Variants in NOX5 observed in about 807,000 individuals in gnomAD.
NOX5 encodes the protein NADPH oxidase 5.
Under a neutral mutation model 85.7 loss-of-function variants are expected in NOX5, and 76 were observed. The observed-to-expected ratio is 0.89, with a 90% CI of 0.74 to 1.07. NOX5 has a LOEUF of 1.07. Among genes scored for constraint, NOX5 ranks in the 50% least tolerant of loss-of-function variants. The probability of loss-of-function intolerance (pLI) is 0.00; values close to 1 mark genes in which losing one functional copy is unlikely to be tolerated. For synonymous variants in NOX5, 405 were observed against 401.4 expected (o/e 1.01, Z -0.11); for missense variants, 973 against 999.5 (o/e 0.97, Z 0.36).
chr15:69,026,593 CAGG>C lies in NOX5; in HGVS notation c.119_121del (p.Gly40del). The C allele has an allele frequency of 6.2e-7, 1 of 1,614,214 alleles. No homozygotes were observed. The highest frequency in any genetic ancestry group is 8.5e-7 in the Non-Finnish European group (1 of 1,180,036). On this transcript the variant is annotated inframe_deletion, in exon 2 of 16. Coordinates refer to ENST00000388866, the MANE Select transcript of NOX5 (RefSeq NM_024505.4). Reference sequence around the variant, plus strand: ...GTGACTCAGCAGTTTAAGACCATTGCAGGAGAAGATGGGGAGATCAGCCTGCAA... The same window carrying C: ...GTGACTCAGCAGTTTAAGACCATTGCAGAAGATGGGGAGATCAGCCTGCAA...
chr15:69,049,524 C>T (rs2050721475), intron 14 of NOX5, among the ~76,000 whole-genome samples: 1 of 152,150 alleles, frequency 6.6e-6, no homozygotes, highest in Admixed American at 6.5e-5. Flanking sequence ...AAAAAGCCCT[C>T]ATAATCTCAT....
At chr15:69,016,210 C>T (rs982384162) in intron 1 of NOX5, among the ~76,000 whole-genome samples, 3 of 152,116 alleles carry the variant, frequency 2.0e-5, no homozygotes, top group African/African-American at 7.2e-5. Flanking sequence ...GCCTTGGGAG[C>T]GTGCAGGAGC....
Position 69,056,547 on chromosome 15 carries a change from C to G in NOX5, c.2167-18C>G, listed in dbSNP as rs367847246. 6.2e-7 allele frequency: 1 copy of G among 1,611,136 alleles called. No homozygotes were observed. The highest frequency in any genetic ancestry group is 8.5e-7 in the Non-Finnish European group (1 of 1,179,594). On this transcript the variant is annotated intron_variant, in intron 15 of 15. Transcript: ENST00000388866. ...CACCTATCTTCCCTCTTCTCTTCCT[C>G]AACCCCACTGACTCCAGGTGTTCCA...
In NOX5 at chr15:69,033,145, C is replaced by G. The variant is rs1388317521; in HGVS notation, c.723C>G (p.Cys241Trp). ...ACAACCACCGCAGCCAGCTGTTCTGCCTGGCCACCTATGCAGGCCTCCACG... is the reference window on the plus strand; with the variant it reads ...ACAACCACCGCAGCCAGCTGTTCTGGCTGGCCACCTATGCAGGCCTCCACG... ...YWHNHRSQLF[C>W]LATYAGLHVL... The change falls in exon 5 of 16, where the codon TGC becomes TGG. Residue 241 changes from cysteine to tryptophan, a missense_variant. Coordinates refer to ENST00000388866, the MANE Select transcript of NOX5 (RefSeq NM_024505.4). The G allele has an allele frequency of 6.4e-6, 10 of 1,573,508 alleles. No homozygotes were observed. The African/African-American group carries it at 1.1e-4, about 17-fold the overall frequency.
intron 3 of NOX5, 195 bp from the exon 4 acceptor site, chr15:69,031,323 C>G (rs371986188): frequency 1.5e-5 from 9 of 603,002 alleles, no homozygotes; most frequent in East Asian, 1.4e-4. Context: ...TGGAGACAGG[C>G]AACCACTGAA....
At chr15:69,030,494 T>C (rs1384293482) in intron 3 of NOX5, 1 of 152,124 alleles carries the variant, frequency 6.6e-6, no homozygotes, top group Non-Finnish European at 1.5e-5. Context: ...TGAGAATTAT[T>C]GTGAGGGAGG....
intron 9 of NOX5, among the ~76,000 whole-genome samples, 171 bp from the exon 10 acceptor site, chr15:69,042,492 C>T (rs916867610): frequency 5.9e-5 from 9 of 152,196 alleles, no homozygotes; most frequent in Non-Finnish European, 1.5e-5. Context: ...CCACAGAGAT[C>T]AGCTCTCCAA....
chr15:69,048,179 G>A (rs1189113030), intron 13 of NOX5, among the ~76,000 whole-genome samples: 1 of 152,260 alleles, frequency 6.6e-6, no homozygotes, highest in South Asian at 2.1e-4. Context: ...CAGCTAGGCA[G>A]TCTGGATTCA....
Position 69,056,754 on chromosome 15 carries a change from G to C in NOX5, c.*58G>C. ...ACCATGGGTCTGCTTCATTGCATTA[G>C]TATAAATGCCCCCACAGGGACCAGC... On this transcript the variant is annotated 3_prime_UTR_variant, in exon 16 of 16. Transcript: ENST00000388866. The C allele has an allele frequency of 6.3e-7, 1 of 1,588,480 alleles. No individual in the cohort carries two copies. Among genetic ancestry groups the C allele is most frequent in the Non-Finnish European group, 8.6e-7 (1 of 1,167,584 alleles).
chr15:69,029,418 T>C lies in NOX5; in HGVS notation c.325+1053T>C, dbSNP rs138215036. On this transcript the variant is annotated intron_variant, in intron 3 of 15. Coordinates refer to ENST00000388866, the MANE Select transcript of NOX5 (RefSeq NM_024505.4). Reference sequence around the variant, plus strand: ...CACCAATTAGTGGACATTTGGGCTGTTTCTACGTTTTAACTATCGTGATTA... The same window carrying C: ...CACCAATTAGTGGACATTTGGGCTGCTTCTACGTTTTAACTATCGTGATTA... 4 of 152,358 alleles carry C rather than the reference T, an allele frequency of 2.6e-5. No individual in the cohort carries two copies. In the East Asian group the frequency reaches 7.7e-4, roughly 29 times the overall value. The allele number at this position is 152,358 out of a possible 1,614,324, so 9.4% of individuals were successfully genotyped here.
chr15:69,052,147 G>A (rs2050757228), intron 14 of NOX5, among the ~76,000 whole-genome samples: 1 of 151,646 alleles, frequency 6.6e-6, no homozygotes, highest in South Asian at 2.1e-4. Context: ...GAGGCCAAGA[G>A]TTTGAGGCTG....
intron 14 of NOX5, among the ~76,000 whole-genome samples, chr15:69,050,660 A>G (rs1025439810): frequency 2.0e-5 from 3 of 152,294 alleles, no homozygotes; most frequent in Admixed American, 2.0e-4. Flanking sequence ...AAGTGCTGGA[A>G]TTACAGGTGT....
At chr15:69,049,148 G>T in intron 14 of NOX5, 90 bp downstream of exon 14, 1 of 730,308 alleles carries the variant, frequency 1.4e-6, no homozygotes, top group Non-Finnish European at 2.2e-6. Flanking sequence ...TGAAACTCAC[G>T]TAACCTAAAA....
chr15:69,036,060 A>G, intron 7 of NOX5, 124 bp downstream of exon 7: 1 of 1,340,422 alleles, frequency 7.5e-7, no homozygotes, highest in Non-Finnish European at 1.0e-6. Flanking sequence ...TATTATTTGC[A>G]TGTGATTTGG....
chr15:69,047,525 G>C lies in NOX5; in HGVS notation c.1805G>C (p.Ser602Thr). The C allele has an allele frequency of 6.2e-7, 1 of 1,613,874 alleles. No individual in the cohort carries two copies. Among genetic ancestry groups the C allele is most frequent in the Non-Finnish European group, 8.5e-7 (1 of 1,179,942 alleles). The part of the protein sequence containing the change: ...GITPFASILQ[S>T]IMYRHQKRKH... The stretch of plus-strand genomic sequence containing the variant: ...ACCCCCTTTGCTTCCATTCTGCAGA[G>C]TATCATGTACAGGTGGGTGAACAGT... The change falls in exon 12 of 16, where the codon AGT (serine) becomes ACT (threonine). Residue 602 changes from serine to threonine, a missense_variant. Coordinates refer to ENST00000388866, the MANE Select transcript of NOX5 (RefSeq NM_024505.4).
intron 8 of NOX5, 59 bp from the exon 9 acceptor site, chr15:69,038,798 G>C: frequency 1.9e-6 from 3 of 1,613,642 alleles, no homozygotes; most frequent in Non-Finnish European, 1.7e-6. Context: ...CTCTTGTCCT[G>C]TAGCCCCTGG....
chr15:69,038,074 G>C (rs1387783400), intron 8 of NOX5: 1 of 152,516 alleles, frequency 6.6e-6, no homozygotes, highest in African/African-American at 2.4e-5. Flanking sequence ...CAGTGGCCAT[G>C]GGATGGAGGC....
intron 2 of NOX5, among the ~76,000 whole-genome samples, chr15:69,027,089 G>A (rs772359887): frequency 1.3e-5 from 2 of 152,198 alleles, no homozygotes; most frequent in African/African-American, 2.4e-5. Context: ...ACATCAGCAC[G>A]GAAGGGAGGA....
chr15:69,033,796 G>A (rs940513591), intron 5 of NOX5, among the ~76,000 whole-genome samples: 16 of 147,954 alleles, frequency 1.1e-4, no homozygotes, highest in African/African-American at 3.8e-4. Context: ...CCGGGTTCAA[G>A]CGATCCTCCT....
Sources: gnomAD v4.1 joint callset for allele counts (sites outside exome capture counted in the v4.1 genomes callset) on GRCh38, gnomAD v4.1.1 for gene constraint, MANE v1.5 for transcripts, NCBI Gene and HGNC (gene_info 2026-07-23, HGNC 2026-07-21) for gene names.